Variants in MAP4K4 observed in about 807,000 individuals in gnomAD.
MAP4K4 encodes the protein HPK/GCK-like kinase HGK.
MAP4K4 carries 38 observed loss-of-function variants against 189.6 expected under a neutral mutation model. That is an observed-to-expected ratio of 0.20 (90% CI 0.15 to 0.26). The LOEUF is 0.26. MAP4K4 is among the 10% of genes least tolerant of loss of function. MAP4K4 has a pLI of 1.00. For missense variants in MAP4K4, 1,054 were observed against 1,726.9 expected (o/e 0.61, Z 6.91); for synonymous variants, 610 against 624.3 (o/e 0.98, Z 0.34).
chr2:101,721,191 G>C (rs968778944), intron 2 of MAP4K4, among the ~76,000 whole-genome samples: 1 of 152,130 alleles, frequency 6.6e-6, no homozygotes, highest in Non-Finnish European at 1.5e-5. Context: ...ACTAGAAATT[G>C]TCAATACATC....
chr2:101,867,795 C>T lies in MAP4K4; in HGVS notation c.2455-234C>T, dbSNP rs1485583958. On this transcript the variant is annotated intron_variant, in intron 20 of 32. Transcript: ENST00000324219. Reference sequence around the variant, plus strand: ...TTGCCTACCTTCTGCTTTTTGGTACCTGGGGTGATAGTTGTGACTGCTTCT... The same window carrying T: ...TTGCCTACCTTCTGCTTTTTGGTACTTGGGGTGATAGTTGTGACTGCTTCT... 2.0e-5 allele frequency: 10 copies of T among 500,320 alleles called. 1 individual carries two copies. The highest frequency in any genetic ancestry group is 1.8e-4 in the South Asian group (5 of 27,394). The allele number at this position is 500,320 out of a possible 1,614,324, so 31.0% of individuals were successfully genotyped here.
chr2:101,748,010 T>G (rs2066531006), intron 2 of MAP4K4, among the ~76,000 whole-genome samples: 1 of 152,242 alleles, frequency 6.6e-6, no homozygotes, highest in African/African-American at 2.4e-5. Flanking sequence ...AAAATGACTT[T>G]TAATGTCTGT....
Position 101,804,992 on chromosome 2 carries a change from C to T in MAP4K4, c.180+14216C>T, listed in dbSNP as rs185059058. Among the ~76,000 whole-genome samples, 1,176 of 147,376 alleles carry T rather than the reference C, an allele frequency of 8.0e-3. 13 individuals carry two copies. Among genetic ancestry groups the T allele is most frequent in the African/African-American group, 0.028 (1,124 of 39,550 alleles). On this transcript the variant is annotated intron_variant, in intron 3 of 32. Transcript: ENST00000324219. ...GGGAGGCTGAGGCAGGAGAATCGCTCGAACCCAGGAGGCGGAGGTTGCAGT... is the reference window on the plus strand; with the variant it reads ...GGGAGGCTGAGGCAGGAGAATCGCTTGAACCCAGGAGGCGGAGGTTGCAGT...
At chr2:101,800,287 C>T (rs2094236785) in intron 3 of MAP4K4, among the ~76,000 whole-genome samples, 1 of 151,968 alleles carries the variant, frequency 6.6e-6, no homozygotes, top group Non-Finnish European at 1.5e-5. Flanking sequence ...TTGTAGAGAC[C>T]AGGTCTCCCT....
intron 2 of MAP4K4, among the ~76,000 whole-genome samples, chr2:101,720,152 T>G (rs1029679296): frequency 6.6e-6 from 1 of 150,624 alleles, no homozygotes; most frequent in African/African-American, 2.4e-5. Context: ...AGTGTTTGTG[T>G]TTTTTGGGGC....
intron 32 of MAP4K4, 28 bp downstream of exon 32, chr2:101,888,963 A>G: frequency 6.3e-7 from 1 of 1,585,052 alleles, no homozygotes; most frequent in Non-Finnish European, 8.6e-7. Context: ...GATTCTTTTT[A>G]GTTGCTCTAT....
chr2:101,704,200 G>C (rs1177793047), intron 2 of MAP4K4, among the ~76,000 whole-genome samples: 1 of 152,030 alleles, frequency 6.6e-6, no homozygotes, highest in Non-Finnish European at 1.5e-5. Flanking sequence ...TGTGTCAGCT[G>C]ATCTGCCACT....
intron 2 of MAP4K4, among the ~76,000 whole-genome samples, chr2:101,755,862 T>C (rs976518325): frequency 4.6e-5 from 7 of 151,796 alleles, no homozygotes; most frequent in Middle Eastern, 3.2e-3. Context: ...TGCACATCTG[T>C]CTATAGTAGC....
At chr2:101,840,076 A>C (rs1037422634) in intron 10 of MAP4K4, 82 bp downstream of exon 10, 12 of 1,341,758 alleles carry the variant, frequency 8.9e-6, no homozygotes, top group Non-Finnish European at 1.2e-5. Context: ...CTCCCTTCCC[A>C]GCTGTGAGAG....
Position 101,797,889 on chromosome 2 carries a change from G to GTGTTTTTTTTTTTTTTTTTTTTTTTT in MAP4K4, c.180+7114_180+7115insGTTTTTTTTTTTTTTTTTTTTTTTTT, listed in dbSNP as rs1553478618. 6.3e-4 allele frequency among the ~76,000 whole-genome samples: 33 copies of GTGTTTTTTTTTTTTTTTTTTTTTTTT among 52,326 alleles called. 10 individuals are homozygous for GTGTTTTTTTTTTTTTTTTTTTTTTTT. Among genetic ancestry groups the GTGTTTTTTTTTTTTTTTTTTTTTTTT allele is most frequent in the African/African-American group, 1.3e-3 (17 of 13,156 alleles). The allele number at this position is 52,326 out of a possible 152,430, so 34.3% of individuals were successfully genotyped here. On this transcript the variant is annotated intron_variant, in intron 3 of 32. Transcript: ENST00000324219. ...TGAAGCTTTTTAAAACATTCTTTTAGTTTTTTTTTTTTTTTTTTTTTGGAG... is the reference window on the plus strand; with the variant it reads ...TGAAGCTTTTTAAAACATTCTTTTAGTGTTTTTTTTTTTTTTTTTTTTTTTTTTTTTTTTTTTTTTTTTTTTTGGAG...
At chr2:101,759,434 T>G (rs967549799) in intron 2 of MAP4K4, among the ~76,000 whole-genome samples, 2 of 150,818 alleles carry the variant, frequency 1.3e-5, no homozygotes, top group African/African-American at 4.9e-5. Flanking sequence ...GCTTTTTCTT[T>G]CCCTTTTCTT....
At chr2:101,716,657 A>C (rs533108909) in intron 2 of MAP4K4, among the ~76,000 whole-genome samples, 1 of 152,270 alleles carries the variant, frequency 6.6e-6, no homozygotes, top group African/African-American at 2.4e-5. Context: ...AAGCATCATC[A>C]TCTTTGTTCA....
chr2:101,800,915 CCA>C (rs2094301863), intron 3 of MAP4K4, among the ~76,000 whole-genome samples: 1 of 152,126 alleles, frequency 6.6e-6, no homozygotes, highest in Non-Finnish European at 1.5e-5. Context: ...GATTGAATAT[CCA>C]CAGTTTCTTA....
chr2:101,863,336 C>T (rs1382369862), intron 16 of MAP4K4, among the ~76,000 whole-genome samples: 4 of 152,088 alleles, frequency 2.6e-5, no homozygotes, highest in Non-Finnish European at 5.9e-5. Context: ...GCTCGTTGAA[C>T]GTGCCATTTT....
chr2:101,748,224 G>C (rs993991637), intron 2 of MAP4K4, among the ~76,000 whole-genome samples: 1 of 152,164 alleles, frequency 6.6e-6, no homozygotes, highest in Non-Finnish European at 1.5e-5. Flanking sequence ...AAAGTTTACC[G>C]AGTGAAGCTG....
At chr2:101,816,598 C>T (rs1422796297) in intron 3 of MAP4K4, among the ~76,000 whole-genome samples, 1 of 152,144 alleles carries the variant, frequency 6.6e-6, no homozygotes, top group Admixed American at 6.5e-5. Context: ...TTTGGCAGGT[C>T]AGGAAAGTGA....
At chr2:101,782,622 A>G (rs2088243535) in intron 2 of MAP4K4, among the ~76,000 whole-genome samples, 1 of 152,166 alleles carries the variant, frequency 6.6e-6, no homozygotes, top group South Asian at 2.1e-4. Context: ...GTCTGGAGGC[A>G]CGTGATGAGA....
chr2:101,798,327 C>T (rs1670653046), intron 3 of MAP4K4, among the ~76,000 whole-genome samples: 2 of 152,106 alleles, frequency 1.3e-5, no homozygotes, highest in South Asian at 4.2e-4. Context: ...AGTAAATTTT[C>T]TTGAGGACAA....
intron 3 of MAP4K4, among the ~76,000 whole-genome samples, chr2:101,799,290 A>G (rs56411622): frequency 0.016 from 2,463 of 152,322 alleles, 76 homozygotes; most frequent in African/African-American, 0.056. Context: ...TATGTAGTCT[A>G]TTAGTTTTTA....
Sources: gnomAD v4.1 joint callset for allele counts (sites outside exome capture counted in the v4.1 genomes callset) on GRCh38, gnomAD v4.1.1 for gene constraint, MANE v1.5 for transcripts, NCBI Gene and HGNC (gene_info 2026-07-23, HGNC 2026-07-21) for gene names.